EIF4G3: variants seen among roughly 807,000 people sequenced by gnomAD.
The protein encoded by EIF4G3 is eIF-4-gamma 3.
A neutral mutation model predicts 186.4 loss-of-function variants in EIF4G3; 34 were observed. That is an observed-to-expected ratio of 0.18 (90% CI 0.14 to 0.24). The LOEUF is 0.24. Ranked by LOEUF, EIF4G3 falls within the 10% of genes least tolerant of loss-of-function variation. The pLI, the probability that EIF4G3 is intolerant of heterozygous loss-of-function variation, is 1.00. For synonymous variants in EIF4G3, 673 were observed against 679.5 expected (o/e 0.99, Z 0.15); for missense variants, 1,536 against 1,948.5 (o/e 0.79, Z 3.99).
intron 13 of EIF4G3, among the ~76,000 whole-genome samples, chr1:20,949,511 A>G (rs1488660048): frequency 6.6e-6 from 1 of 152,242 alleles, no homozygotes; most frequent in African/African-American, 2.4e-5. Context: ...CAGTGGCTCA[A>G]TCAAGACCAA....
At chr1:20,946,447 T>A (rs1251324705) in intron 13 of EIF4G3, among the ~76,000 whole-genome samples, 2 of 152,204 alleles carry the variant, frequency 1.3e-5, no homozygotes, top group Non-Finnish European at 2.9e-5. Flanking sequence ...CAAACCAATG[T>A]GAAGTATTCC....
At chr1:21,076,448 C>T (rs1399903093) in intron 3 of EIF4G3, among the ~76,000 whole-genome samples, 3 of 151,726 alleles carry the variant, frequency 2.0e-5, no homozygotes. Context: ...CAAGATATGC[C>T]CACTGCACTC....
At chr1:20,883,125 TG>T (rs2154554561) in intron 19 of EIF4G3, among the ~76,000 whole-genome samples, 1 of 151,222 alleles carries the variant, frequency 6.6e-6, no homozygotes, top group African/African-American at 2.4e-5. Flanking sequence ...ATCTAGTTGA[TG>T]TCCAGTAAAT....
At chr1:20,921,047 T>G (rs2094458054) in intron 14 of EIF4G3, among the ~76,000 whole-genome samples, 1 of 152,180 alleles carries the variant, frequency 6.6e-6, no homozygotes, top group Non-Finnish European at 1.5e-5. Flanking sequence ...GTATAAATTA[T>G]ATTTGGGTGT....
At chr1:21,091,268 C>T (rs2096187132) in intron 2 of EIF4G3, among the ~76,000 whole-genome samples, 1 of 152,082 alleles carries the variant, frequency 6.6e-6, no homozygotes, top group Non-Finnish European at 1.5e-5. Context: ...ACTCAGCCTC[C>T]TGTGACTCAG....
rs559433764 is a variant in EIF4G3 at position 21,008,491 on chromosome 1, C to G, written c.-66-5683G>C. On this transcript the variant is annotated intron_variant, in intron 4 of 36. Transcript: ENST00000602326. ...AGCTGGGATTACAGATGCATGCCAC[C>G]ACGCCCGGCTAATTTTTTTATATTT... Among the ~76,000 whole-genome samples, 14 of 152,184 alleles carry G rather than the reference C, an allele frequency of 9.2e-5. No individual in the cohort carries two copies. In the East Asian group the frequency reaches 1.4e-3, roughly 15 times the overall value.
intron 2 of EIF4G3, among the ~76,000 whole-genome samples, chr1:21,141,480 G>GA (rs1221266065): frequency 0.011 from 770 of 69,972 alleles, 6 homozygotes; most frequent in African/African-American, 0.027. Context: ...CCTACCAAGA[G>GA]AAAAAAAAAA....
intron 20 of EIF4G3, among the ~76,000 whole-genome samples, chr1:20,872,398 T>C (rs577434007): frequency 7.9e-5 from 12 of 152,288 alleles, no homozygotes; most frequent in Admixed American, 2.6e-4. Context: ...ACTGGGATTA[T>C]TGGCATGAGC....
intron 10 of EIF4G3, among the ~76,000 whole-genome samples, chr1:20,976,044 C>T (rs1355889940): frequency 6.6e-6 from 1 of 151,664 alleles, no homozygotes; most frequent in Non-Finnish European, 1.5e-5. Flanking sequence ...CAGTGGTTCC[C>T]AAACCTCAGT....
At chr1:21,172,458 C>G (rs1225199538) in intron 2 of EIF4G3, among the ~76,000 whole-genome samples, 1 of 152,196 alleles carries the variant, frequency 6.6e-6, no homozygotes, top group Non-Finnish European at 1.5e-5. Flanking sequence ...CTGAGTGTAG[C>G]AGCACACAGT....
chr1:20,867,098 TG>T (rs1310597573), intron 20 of EIF4G3, among the ~76,000 whole-genome samples: 1 of 152,196 alleles, frequency 6.6e-6, no homozygotes, highest in Non-Finnish European at 1.5e-5. Flanking sequence ...TCAAAAGTTT[TG>T]CTTACTTGCT....
intron 2 of EIF4G3, among the ~76,000 whole-genome samples, chr1:21,156,083 C>T (rs1185823342): frequency 1.3e-5 from 2 of 150,280 alleles, no homozygotes; most frequent in African/African-American, 4.9e-5. Flanking sequence ...GCTGAGATGG[C>T]GCCATTGCAC....
At chr1:21,023,830 C>T (rs1391076252) in intron 4 of EIF4G3, among the ~76,000 whole-genome samples, 14 of 144,912 alleles carry the variant, frequency 9.7e-5, no homozygotes, top group Middle Eastern at 3.5e-3. Flanking sequence ...TCTTCCCGGC[C>T]GCCATCACAT....
intron 12 of EIF4G3, among the ~76,000 whole-genome samples, chr1:20,959,698 C>A (rs866771329): frequency 1.4e-5 from 2 of 140,460 alleles, no homozygotes; most frequent in Admixed American, 7.1e-5. Flanking sequence ...TAATAATAAT[C>A]CCATCAAAAA....
At chr1:21,065,088 C>G (rs2095165446) in intron 3 of EIF4G3, 1 of 152,176 alleles carries the variant, frequency 6.6e-6, no homozygotes, top group South Asian at 2.1e-4. Context: ...TGCTAATCAA[C>G]TAGTTATTTA....
intron 2 of EIF4G3, among the ~76,000 whole-genome samples, chr1:21,138,931 C>G (rs954447112): frequency 3.3e-5 from 5 of 152,154 alleles, no homozygotes; most frequent in African/African-American, 1.2e-4. Flanking sequence ...GCCACCCAGG[C>G]TAGAATGCAG....
chr1:20,923,529 A>C (rs1052836729), intron 14 of EIF4G3, among the ~76,000 whole-genome samples: 18 of 152,184 alleles, frequency 1.2e-4, no homozygotes, highest in Non-Finnish European at 2.6e-4. Context: ...ACAAATATGT[A>C]ATTTAATTAG....
intron 20 of EIF4G3, among the ~76,000 whole-genome samples, chr1:20,875,314 T>C (rs930139847): frequency 6.6e-6 from 1 of 152,168 alleles, no homozygotes; most frequent in African/African-American, 2.4e-5. Flanking sequence ...CTAAAGAGTA[T>C]TGAAAAGGGT....
At chr1:21,109,598 A>G (rs2096681228) in intron 2 of EIF4G3, among the ~76,000 whole-genome samples, 1 of 152,190 alleles carries the variant, frequency 6.6e-6, no homozygotes, top group Non-Finnish European at 1.5e-5. Flanking sequence ...ATATTGCAAA[A>G]ACTTGGGCCA....
Sources: gnomAD v4.1 joint callset for allele counts (sites outside exome capture counted in the v4.1 genomes callset) on GRCh38, gnomAD v4.1.1 for gene constraint, MANE v1.5 for transcripts, NCBI Gene and HGNC (gene_info 2026-07-23, HGNC 2026-07-21) for gene names.